CFAP54: variants seen among roughly 807,000 people sequenced by gnomAD.
The protein encoded by CFAP54 is cilia and flagella associated protein 54.
In CFAP54, 290 loss-of-function variants were observed where a neutral mutation model predicts 370.4. The observed-to-expected ratio is 0.78, with a 90% CI of 0.71 to 0.86. CFAP54 has a LOEUF of 0.86. Ranked by LOEUF, CFAP54 falls within the 40% of genes least tolerant of loss-of-function variation. The pLI is 0.00. For missense variants in CFAP54, 3,399 were observed against 3,528.7 expected, an observed-to-expected ratio of 0.96 and a Z score of 0.93; for synonymous variants, 1,206 against 1,236.5, an observed-to-expected ratio of 0.98 and a Z score of 0.52.
At chr12:96,828,601 G>T (rs1270285704) in intron 65 of CFAP54, among the ~76,000 whole-genome samples, 1 of 152,064 alleles carries the variant, frequency 6.6e-6, no homozygotes, top group African/African-American at 2.4e-5. Context: ...ACATGAACAT[G>T]GCTGCATCCA....
At chr12:96,722,974 C>A (rs1332223520) in intron 50 of CFAP54, among the ~76,000 whole-genome samples, 2 of 78,656 alleles carry the variant, frequency 2.5e-5, no homozygotes, top group Non-Finnish European at 5.2e-5. Flanking sequence ...GTTTGAGATG[C>A]CCTTAGATGT....
intron 26 of CFAP54, among the ~76,000 whole-genome samples, chr12:96,607,794 CTT>C (rs534880310): frequency 5.6e-5 from 8 of 143,026 alleles, no homozygotes; most frequent in Non-Finnish European, 6.1e-5. Flanking sequence ...TAGCTTCAGA[CTT>C]TTTTTTTTTT....
chr12:96,799,120 G>A (rs1470768085), intron 63 of CFAP54, among the ~76,000 whole-genome samples: 1 of 152,180 alleles, frequency 6.6e-6, no homozygotes, highest in African/African-American at 2.4e-5. Flanking sequence ...GAAGGAAGGA[G>A]GGGACAAGTA....
intron 13 of CFAP54, 87 bp from the exon 14 acceptor site, chr12:96,540,750 C>A (rs1668310787): frequency 2.4e-6 from 2 of 820,434 alleles, no homozygotes; most frequent in African/African-American, 3.6e-5. Flanking sequence ...ATGGTTGTTT[C>A]AAGGAAGTAT....
chr12:96,538,794 G>T (rs1235829232), intron 13 of CFAP54: 1 of 304,872 alleles, frequency 3.3e-6, no homozygotes, highest in Non-Finnish European at 6.1e-6. Context: ...TGTCCTGGAG[G>T]CTGCAGTAGT....
intron 62 of CFAP54, among the ~76,000 whole-genome samples, chr12:96,789,092 G>C (rs1958657453): frequency 6.6e-6 from 1 of 152,234 alleles, no homozygotes; most frequent in African/African-American, 2.4e-5. Context: ...AAAGTAGACA[G>C]ATTTTCCAAT....
At chr12:96,707,559 T>C (rs2111184) in intron 47 of CFAP54, among the ~76,000 whole-genome samples, 77,561 of 151,832 alleles carry the variant, frequency 0.51, 20,396 homozygotes, top group East Asian at 0.77. Flanking sequence ...AGAAGGAAGT[T>C]GGGATATAGA....
chr12:96,740,773 T>C (rs1958041476), intron 51 of CFAP54, among the ~76,000 whole-genome samples: 1 of 152,168 alleles, frequency 6.6e-6, no homozygotes, highest in African/African-American at 2.4e-5. Flanking sequence ...AGAATAATGA[T>C]TGTCAATTGG....
chr12:96,743,655 A>G (rs1958077800), intron 53 of CFAP54, 76 bp from the exon 54 acceptor site: 5 of 1,563,946 alleles, frequency 3.2e-6, no homozygotes, highest in Non-Finnish European at 4.4e-6. Context: ...CTGAATGCAT[A>G]ACAATTAACA....
chr12:96,792,877 T>C (rs1215000631), intron 63 of CFAP54, among the ~76,000 whole-genome samples: 2 of 151,942 alleles, frequency 1.3e-5, no homozygotes, highest in Admixed American at 6.6e-5. Flanking sequence ...TTTTTCTTTT[T>C]AATATTTAAT....
At chr12:96,767,639 T>C (rs1054440126) in intron 60 of CFAP54, among the ~76,000 whole-genome samples, 1 of 152,176 alleles carries the variant, frequency 6.6e-6, no homozygotes, top group Admixed American at 6.5e-5. Flanking sequence ...CTTCCCTCAC[T>C]TCAGTGTTGG....
At chr12:96,651,913 A>C in intron 36 of CFAP54, 98 bp downstream of exon 36, 1 of 766,032 alleles carries the variant, frequency 1.3e-6, no homozygotes, top group Non-Finnish European at 2.0e-6. Flanking sequence ...TTTATTTCTC[A>C]TTTGGTTTGT....
intron 55 of CFAP54, among the ~76,000 whole-genome samples, chr12:96,745,222 T>G (rs1565962760): frequency 6.6e-6 from 1 of 152,220 alleles, no homozygotes; most frequent in Non-Finnish European, 1.5e-5. Flanking sequence ...GATTGCTGGG[T>G]CAAATGGTAT....
At chr12:96,846,483 A>G (rs1007275427) in intron 66 of CFAP54, among the ~76,000 whole-genome samples, 39 of 152,158 alleles carry the variant, frequency 2.6e-4, no homozygotes, top group African/African-American at 8.7e-4. Context: ...CTGGGGAAAG[A>G]GAGCTGCTGT....
chr12:96,824,564 G>A (rs1959065826), intron 65 of CFAP54, among the ~76,000 whole-genome samples: 1 of 152,104 alleles, frequency 6.6e-6, no homozygotes, highest in Non-Finnish European at 1.5e-5. Context: ...GGGTATATAG[G>A]AGTGGATGTA....
intron 39 of CFAP54, among the ~76,000 whole-genome samples, chr12:96,664,689 G>GTATATATA (rs1274516967): frequency 4.2e-4 from 11 of 26,274 alleles, no homozygotes; most frequent in Admixed American, 9.0e-4. Context: ...ATTCCTTTGG[G>GTATATATA]TATATATCTA....
chr12:96,782,280 A>G (rs1958587664), intron 60 of CFAP54, among the ~76,000 whole-genome samples: 1 of 152,134 alleles, frequency 6.6e-6, no homozygotes, highest in South Asian at 2.1e-4. Flanking sequence ...AGAAAATGCT[A>G]TTATTACTTT....
At chr12:96,559,254 G>A (rs1955790347) in intron 17 of CFAP54, among the ~76,000 whole-genome samples, 1 of 152,032 alleles carries the variant, frequency 6.6e-6, no homozygotes, top group African/African-American at 2.4e-5. Context: ...ATAACTAGAA[G>A]AGTATACTTG....
At position 96,825,316 on chromosome 12, in the gene CFAP54, A is replaced by ACATGTTATAT. The variant is rs1592787798; in HGVS notation, c.9097-3698_9097-3697insCATGTTATAT. 3.7e-4 allele frequency among the ~76,000 whole-genome samples: 47 copies of ACATGTTATAT among 126,500 alleles called. No homozygotes were observed. In the East Asian group the frequency reaches 5.4e-3, roughly 15 times the overall value. 83.0% of individuals were successfully genotyped at this position (126,500 alleles called of 152,430 possible). A position where few individuals can be genotyped will look rare whatever the true frequency, so the allele number is the denominator to read the frequency against. The stretch of plus-strand genomic sequence containing the variant: ...TATAATATATTATATATATAATATA[A>ACATGTTATAT]TATATATTATATAACATGTTATATA... On this transcript the variant is annotated intron_variant, in intron 65 of 67. Coordinates refer to ENST00000524981, the MANE Select transcript of CFAP54 (RefSeq NM_001306084.2).
Sources: gnomAD v4.1 joint callset for allele counts (sites outside exome capture counted in the v4.1 genomes callset) on GRCh38, gnomAD v4.1.1 for gene constraint, MANE v1.5 for transcripts, NCBI Gene and HGNC (gene_info 2026-07-23, HGNC 2026-07-21) for gene names.